ARL5B: variants seen among roughly 807,000 people sequenced by gnomAD.
ARL5B encodes the protein ADP-ribosylation factor-like protein 5B.
ARL5B carries 10 observed loss-of-function variants against 26.9 expected under a neutral mutation model. The ratio of observed to expected loss-of-function variants is 0.37; its 90% CI spans 0.23 to 0.63. The LOEUF (loss-of-function observed/expected upper bound fraction) is 0.63. Ranked by LOEUF, ARL5B falls within the 30% of genes least tolerant of loss-of-function variation. The pLI, the probability that ARL5B is intolerant of heterozygous loss-of-function variation, is 0.62. For missense variants in ARL5B, 167 were observed against 213.9 expected, an observed-to-expected ratio of 0.78 and a Z score of 1.37; for synonymous variants, 87 against 70.4, an observed-to-expected ratio of 1.24 and a Z score of -1.18.
At chr10:18,672,799 G>A in intron 4 of ARL5B, 94 bp downstream of exon 4, 1 of 726,380 alleles carries the variant, frequency 1.4e-6, no homozygotes. Flanking sequence ...ATATGATGTT[G>A]GCTATTTTAT....
At chr10:18,667,636 G>T (rs191561418) in intron 2 of ARL5B, among the ~76,000 whole-genome samples, 72 of 152,080 alleles carry the variant, frequency 4.7e-4, no homozygotes, top group African/African-American at 1.7e-3. Context: ...TGAATTAATT[G>T]ATTAATGTAG....
chr10:18,666,162 C>T (rs979224958), intron 1 of ARL5B, among the ~76,000 whole-genome samples: 5 of 152,138 alleles, frequency 3.3e-5, no homozygotes, highest in African/African-American at 1.2e-4. Flanking sequence ...GGGAAACTTA[C>T]AGATATGAAA....
In ARL5B at chr10:18,675,037, G is replaced by A. The variant is rs185418052; in HGVS notation, c.492-131G>A. On this transcript the variant is annotated intron_variant, in intron 5 of 5. Transcript: ENST00000377275. Reference sequence around the variant, plus strand: ...AATTTCACTTATTATAGTGTGACTTGAATGTTGACACTGATGTATATAAAT... The same window carrying A: ...AATTTCACTTATTATAGTGTGACTTAAATGTTGACACTGATGTATATAAAT... 299 of 669,200 alleles carry A rather than the reference G, an allele frequency of 4.5e-4. 3 individuals are homozygous for A. In the South Asian group the frequency reaches 6.1e-3, roughly 14 times the overall value. The allele number at this position is 669,200 out of a possible 1,614,324, so 41.5% of individuals were successfully genotyped here. A position where few individuals can be genotyped will look rare whatever the true frequency, so the allele number is the denominator to read the frequency against.
In ARL5B at chr10:18,680,184, C is replaced by A; in HGVS notation, c.*4968C>A. 6.6e-6 allele frequency: 1 copy of A among 151,938 alleles called. No homozygotes were observed. 9.4% of individuals were successfully genotyped at this position (151,938 alleles called of 1,614,324 possible). A position where few individuals can be genotyped will look rare whatever the true frequency, so the allele number is the denominator to read the frequency against. ...TTTTCAATCCATAAGGTGCTTTGCT[C>A]AAGTTTGTGGGATGTTTGTACCATC... On this transcript the variant is annotated 3_prime_UTR_variant, in exon 6 of 6. Transcript: ENST00000377275.
Position 18,675,430 on chromosome 10 carries a change from GTATAAC to G in ARL5B, c.*218_*223del. ...TAATCTTCAGTTGGATGAATGTAAT[GTATAAC>G]TATGTTTTCAGCAACAATTCTTCTG... On this transcript the variant is annotated 3_prime_UTR_variant, in exon 6 of 6. Coordinates refer to ENST00000377275, the MANE Select transcript of ARL5B (RefSeq NM_178815.5). The G allele has an allele frequency of 4.0e-6, 2 of 502,100 alleles. No individual in the cohort carries two copies. The highest frequency in any genetic ancestry group is 7.2e-6 in the Non-Finnish European group (2 of 278,930). The allele number at this position is 502,100 out of a possible 1,614,324, so 31.1% of individuals were successfully genotyped here.
chr10:18,671,370 C>T (rs964302627), intron 3 of ARL5B, among the ~76,000 whole-genome samples: 2 of 152,030 alleles, frequency 1.3e-5, no homozygotes, highest in Non-Finnish European at 2.9e-5. Context: ...CAGGGTTTCA[C>T]CATGTTGGCC....
intron 5 of ARL5B, among the ~76,000 whole-genome samples, chr10:18,674,575 CAA>C (rs2059902518): frequency 6.6e-6 from 1 of 152,124 alleles, no homozygotes; most frequent in Non-Finnish European, 1.5e-5. Flanking sequence ...TATTTCCAGA[CAA>C]TAAACAGTTG....
intron 3 of ARL5B, 41 bp downstream of exon 3, chr10:18,668,718 T>A (rs10741127): frequency 2.1e-5 from 34 of 1,597,594 alleles, no homozygotes; most frequent in Non-Finnish European, 2.7e-5. Flanking sequence ...CAAAGGTCCC[T>A]AGAGTAAACA....
At position 18,674,383 on chromosome 10, in the gene ARL5B, A is replaced by G. The variant is rs536166518; in HGVS notation, c.491+248A>G. On this transcript the variant is annotated intron_variant, in intron 5 of 5. Transcript: ENST00000377275. ...CAATAAACTATTGAATTGAGTTTTC[A>G]TAATCCAAATTTTTTTCTTTGTTGC... 2.0e-3 allele frequency among the ~76,000 whole-genome samples: 302 copies of G among 152,344 alleles called. 2 individuals carry two copies. The highest frequency in any genetic ancestry group is 3.5e-3 in the Non-Finnish European group (240 of 68,026).
intron 3 of ARL5B, among the ~76,000 whole-genome samples, chr10:18,670,877 C>T (rs545896880): frequency 1.3e-5 from 2 of 152,282 alleles, no homozygotes; most frequent in South Asian, 2.1e-4. Context: ...TTGCATGAAA[C>T]GTTCTTTTAA....
intron 2 of ARL5B, among the ~76,000 whole-genome samples, chr10:18,667,145 T>C (rs1391551604): frequency 6.6e-6 from 1 of 152,244 alleles, no homozygotes; most frequent in Non-Finnish European, 1.5e-5. Context: ...CAGCTCATCA[T>C]TCCACTTGTC....
intron 4 of ARL5B, among the ~76,000 whole-genome samples, 174 bp from the exon 5 acceptor site, chr10:18,673,806 ATTAT>A (rs1277128933): frequency 6.6e-6 from 1 of 152,088 alleles, no homozygotes; most frequent in Non-Finnish European, 1.5e-5. Flanking sequence ...ATAAAAAATA[ATTAT>A]TTAATATTAA....
At chr10:18,660,321 T>A (rs1425169675) in intron 1 of ARL5B, among the ~76,000 whole-genome samples, 2 of 152,180 alleles carry the variant, frequency 1.3e-5, no homozygotes, top group East Asian at 3.9e-4. Context: ...ATGAGACACC[T>A]GGAAGTGGCA....
At chr10:18,668,763 C>T in intron 3 of ARL5B, 86 bp downstream of exon 3, 2 of 1,240,726 alleles carry the variant, frequency 1.6e-6, no homozygotes, top group Non-Finnish European at 2.2e-6. Context: ...GGCGTATTGA[C>T]AGTTGCCTTT....
Position 18,675,386 on chromosome 10 carries a change from C to CTTT in ARL5B, c.*179_*181dup. Reference sequence around the variant, plus strand: ...TGGAACATAAAAGATTTTTTCTTAACTTTTTTTTTTTAACACACTAATCTT... The same window carrying CTTT: ...TGGAACATAAAAGATTTTTTCTTAACTTTTTTTTTTTTTTAACACACTAATCTT... On this transcript the variant is annotated 3_prime_UTR_variant, in exon 6 of 6. Transcript: ENST00000377275. The CTTT allele has an allele frequency of 2.1e-6, 1 of 481,488 alleles. No individual in the cohort carries two copies. The highest frequency in any genetic ancestry group is 3.7e-6 in the Non-Finnish European group (1 of 272,664). 29.8% of individuals were successfully genotyped at this position (481,488 alleles called of 1,614,324 possible). A position where few individuals can be genotyped will look rare whatever the true frequency, so the allele number is the denominator to read the frequency against.
rs1285070922 is a variant in ARL5B, at chr10:18,679,923, GTAT to G, written c.*4712_*4714del. 1 of 151,910 alleles carries G rather than the reference GTAT, an allele frequency of 6.6e-6. No individual in the cohort carries two copies. The highest frequency in any genetic ancestry group is 1.5e-5 in the Non-Finnish European group (1 of 67,860). The allele number at this position is 151,910 out of a possible 1,614,324, so 9.4% of individuals were successfully genotyped here. On this transcript the variant is annotated 3_prime_UTR_variant, in exon 6 of 6. Transcript: ENST00000377275. ...TTTTTACCATACAGCTAGATGGCCT[GTAT>G]TATTCTTAATGTGGCCAAAGGAGTG...
chr10:18,671,647 C>T (rs2059887450), intron 3 of ARL5B, among the ~76,000 whole-genome samples: 1 of 151,262 alleles, frequency 6.6e-6, no homozygotes, highest in Non-Finnish European at 1.5e-5. Flanking sequence ...CCATCTCCTC[C>T]TCCTCCTCCC....
In ARL5B at chr10:18,668,691, A is replaced by C; in HGVS notation, c.255+14A>C. The C allele has an allele frequency of 6.2e-7, 1 of 1,610,396 alleles. No individual in the cohort carries two copies. The highest frequency in any genetic ancestry group is 1.3e-5 in the African/African-American group (1 of 74,804). Reference sequence around the variant, plus strand: ...TCAAATACAGAGGTATGCTAAGATGAATTTTGAATTTTAATCCAAAGGTCC... The same window carrying C: ...TCAAATACAGAGGTATGCTAAGATGCATTTTGAATTTTAATCCAAAGGTCC... On this transcript the variant is annotated intron_variant, in intron 3 of 5. Transcript: ENST00000377275.
intron 1 of ARL5B, among the ~76,000 whole-genome samples, chr10:18,663,534 G>C (rs985389554): frequency 4.3e-5 from 6 of 140,566 alleles, no homozygotes; most frequent in African/African-American, 1.6e-4. Context: ...TCTCTCTTTA[G>C]CTTATTCTGC....
Sources: allele counts gnomAD v4.1 joint callset (sites outside exome capture counted in the v4.1 genomes callset), GRCh38; gene constraint gnomAD v4.1.1; transcripts MANE v1.5; gene names NCBI Gene and HGNC (gene_info 2026-07-23, HGNC 2026-07-21).